The following AGMO variants were observed in gnomAD, a reference collection of about 807,000 sequenced individuals.
AGMO encodes the protein alkylglycerol monooxygenase.
In AGMO, 75 loss-of-function variants were observed where a neutral mutation model predicts 60.2. The observed-to-expected ratio is 1.25, with a 90% CI of 1.03 to 1.51. The LOEUF (loss-of-function observed/expected upper bound fraction) is 1.51. Among genes scored for constraint, AGMO ranks in the 40% most tolerant of loss-of-function variants. The pLI, the probability that AGMO is intolerant of heterozygous loss-of-function variation, is 0.00. For missense variants in AGMO, 763 were observed against 525.5 expected (o/e 1.45, Z -4.42); for synonymous variants, 261 against 177.1 (o/e 1.47, Z -3.76).
chr7:15,266,670 G>T (rs1783441715), intron 12 of AGMO, among the ~76,000 whole-genome samples: 1 of 151,590 alleles, frequency 6.6e-6, no homozygotes. Flanking sequence ...TTAATGTAGG[G>T]AGCTTTCCTT....
At chr7:15,197,875 T>C (rs1781160183), downstream of AGMO, among the ~76,000 whole-genome samples, 3 of 152,208 alleles carry the variant, frequency 2.0e-5, no homozygotes, top group South Asian at 6.2e-4. Context: ...TGGGGAAACA[T>C]CATGGACTTC....
intron 12 of AGMO, among the ~76,000 whole-genome samples, chr7:15,210,582 T>C (rs1182773480): frequency 2.0e-5 from 3 of 152,256 alleles, no homozygotes; most frequent in South Asian, 2.1e-4. Context: ...CCTAAAGGAA[T>C]TGGAGCTTCA....
chr7:15,251,469 G>C (rs75491681), intron 12 of AGMO, among the ~76,000 whole-genome samples: 2 of 152,158 alleles, frequency 1.3e-5, no homozygotes, highest in African/African-American at 2.4e-5. Context: ...TACATTCCTA[G>C]ACTTGAGAAC....
intron 12 of AGMO, among the ~76,000 whole-genome samples, chr7:15,353,614 AT>A (rs1285197090): frequency 6.6e-6 from 1 of 152,188 alleles, no homozygotes; most frequent in Non-Finnish European, 1.5e-5. Context: ...TGGACGTGAA[AT>A]TTTTCCGAAA....
At chr7:15,492,894 C>A (rs922507573) in intron 3 of AGMO, among the ~76,000 whole-genome samples, 2 of 152,214 alleles carry the variant, frequency 1.3e-5, no homozygotes, top group Non-Finnish European at 1.5e-5. Flanking sequence ...CTGTCTTCTC[C>A]TACATCTTCA....
intron 5 of AGMO, among the ~76,000 whole-genome samples, chr7:15,397,414 G>A (rs1172421439): frequency 6.6e-6 from 1 of 152,052 alleles, no homozygotes; most frequent in Non-Finnish European, 1.5e-5. Flanking sequence ...AGCAGAGGGA[G>A]TCGGCTCCGG....
intron 12 of AGMO, among the ~76,000 whole-genome samples, chr7:15,310,551 T>G (rs1272488067): frequency 2.0e-5 from 3 of 152,148 alleles, no homozygotes. Flanking sequence ...TATTATAATA[T>G]TTTAAGTAAT....
At chr7:15,482,952 A>C (rs2128517981) in intron 3 of AGMO, among the ~76,000 whole-genome samples, 1 of 152,310 alleles carries the variant, frequency 6.6e-6, no homozygotes, top group African/African-American at 2.4e-5. Context: ...TTTTAAAATT[A>C]ACAAATTTGG....
At chr7:15,432,939 A>G (rs1781296332) in intron 3 of AGMO, among the ~76,000 whole-genome samples, 1 of 151,982 alleles carries the variant, frequency 6.6e-6, no homozygotes, top group African/African-American at 2.4e-5. Context: ...AATAAATTTG[A>G]TGAATCCCCT....
intron 12 of AGMO, among the ~76,000 whole-genome samples, chr7:15,351,828 A>T (rs1449683118): frequency 6.6e-6 from 1 of 152,236 alleles, no homozygotes; most frequent in Non-Finnish European, 1.5e-5. Flanking sequence ...ATTATTTTTA[A>T]ATCTGTTTAA....
chr7:15,128,275 C>T, the AGMO span, among the ~76,000 whole-genome samples: 1 of 152,016 alleles, frequency 6.6e-6, no homozygotes, highest in African/African-American at 2.4e-5. Flanking sequence ...GTTATATCTC[C>T]ATACAGCTGG....
chr7:15,304,168 G>T (rs1486162167), intron 12 of AGMO, among the ~76,000 whole-genome samples: 1 of 151,976 alleles, frequency 6.6e-6, no homozygotes, highest in Non-Finnish European at 1.5e-5. Context: ...ATTAATAGCT[G>T]GAAAATTCCC....
the AGMO span, among the ~76,000 whole-genome samples, chr7:15,152,817 A>G: frequency 6.6e-6 from 1 of 152,114 alleles, no homozygotes. Flanking sequence ...GTATGCAAGT[A>G]TCTTTTTTGT....
chr7:15,118,721 G>A, the AGMO span, among the ~76,000 whole-genome samples: 1 of 151,840 alleles, frequency 6.6e-6, no homozygotes, highest in Non-Finnish European at 1.5e-5. Flanking sequence ...AATATGACTA[G>A]ATAAGTAAAC....
chr7:15,539,176 A>G (rs1451840722), intron 3 of AGMO, among the ~76,000 whole-genome samples: 1 of 152,092 alleles, frequency 6.6e-6, no homozygotes, highest in Non-Finnish European at 1.5e-5. Context: ...TCAGGGGCAC[A>G]TGTGCAGATT....
At position 15,502,708 on chromosome 7, in the gene AGMO, T is replaced by C. The variant is rs142839433; in HGVS notation, c.409+42064A>G. ...AGCAATGCTTTTGGTGGTTAGACGC[T>C]AGGTATGAAGAAACAAGAATGTGAA... On this transcript the variant is annotated intron_variant, in intron 3 of 12. Transcript: ENST00000342526. Among the ~76,000 whole-genome samples the C allele has an allele frequency of 1.1e-3, 173 of 152,200 alleles. 2 individuals carry two copies. In the Middle Eastern group the frequency reaches 0.037, roughly 33 times the overall value.
intron 4 of AGMO, among the ~76,000 whole-genome samples, chr7:15,427,150 C>A (rs1398378991): frequency 6.6e-6 from 1 of 152,080 alleles, no homozygotes. Flanking sequence ...CTTTATAATA[C>A]TCTAGGATTC....
chr7:15,159,350 A>G, the AGMO span, among the ~76,000 whole-genome samples: 1 of 152,144 alleles, frequency 6.6e-6, no homozygotes, highest in Non-Finnish European at 1.5e-5. Context: ...TTTAAGCTCT[A>G]CAGAAGTGGT....
At chr7:15,447,478 T>C (rs1781730502) in intron 3 of AGMO, among the ~76,000 whole-genome samples, 1 of 152,208 alleles carries the variant, frequency 6.6e-6, no homozygotes, top group Admixed American at 6.5e-5. Flanking sequence ...AAAGTGCTAT[T>C]ATAGAAGCAA....
Sources: gnomAD v4.1 joint callset for allele counts (sites outside exome capture counted in the v4.1 genomes callset) on GRCh38, gnomAD v4.1.1 for gene constraint, MANE v1.5 for transcripts, NCBI Gene and HGNC (gene_info 2026-07-23, HGNC 2026-07-21) for gene names.